Variants in TNR observed in about 807,000 individuals in gnomAD.
The protein encoded by TNR is tenascin-R.
In TNR, 45 loss-of-function variants were observed where a neutral mutation model predicts 150.4. That is an observed-to-expected ratio of 0.30 (90% CI 0.24 to 0.38). The LOEUF is 0.38. Ranked by LOEUF, TNR falls within the 10% of genes least tolerant of loss-of-function variation. The pLI is 1.00. For synonymous variants in TNR, 687 were observed against 678.4 expected (o/e 1.01, Z -0.20); for missense variants, 1,544 against 1,759.1 (o/e 0.88, Z 2.19).
chr1:175,571,667 C>G (rs1661876510), intron 1 of TNR, among the ~76,000 whole-genome samples: 1 of 152,180 alleles, frequency 6.6e-6, no homozygotes, highest in South Asian at 2.1e-4. Context: ...TTTTTCACTC[C>G]ATGTCCTTCT....
At chr1:175,628,107 G>T (rs1163369195) in intron 1 of TNR, among the ~76,000 whole-genome samples, 1 of 152,162 alleles carries the variant, frequency 6.6e-6, no homozygotes, top group Non-Finnish European at 1.5e-5. Context: ...TTCTGGGCAG[G>T]GAACTAAAAA....
chr1:175,580,900 T>C (rs1330516234), intron 1 of TNR, among the ~76,000 whole-genome samples: 1 of 152,068 alleles, frequency 6.6e-6, no homozygotes, highest in Non-Finnish European at 1.5e-5. Context: ...TATATTCTTC[T>C]AGAAAGAACA....
intron 2 of TNR, among the ~76,000 whole-genome samples, chr1:175,458,355 G>T (rs859377): frequency 5.3e-5 from 8 of 152,044 alleles, no homozygotes; most frequent in African/African-American, 2.4e-5. Flanking sequence ...ATATATATTT[G>T]TTCAAAGGGT....
At chr1:175,676,830 A>G (rs1665880594) in intron 1 of TNR, among the ~76,000 whole-genome samples, 1 of 152,212 alleles carries the variant, frequency 6.6e-6, no homozygotes, top group South Asian at 2.1e-4. Flanking sequence ...ACACAGAGCT[A>G]GTTAGAAGTG....
rs1175441564 is a variant in TNR at position 175,599,682 on chromosome 1, G to A, written c.-164-71313C>T. 2.0e-5 allele frequency among the ~76,000 whole-genome samples: 3 copies of A among 152,372 alleles called. No homozygotes were observed. Among genetic ancestry groups the A allele is most frequent in the Admixed American group, 6.5e-5 (1 of 15,310 alleles). On this transcript the variant is annotated intron_variant, in intron 1 of 22. Transcript: ENST00000367674. This position sits in a 1 kb window ranked among gnomAD's most constrained non-coding sequence, Gnocchi z 4.7. ...CCGGCGGCTCCTTGCGGTGGGGAGA[G>A]GAGGACAGAGGGGCCAGGTGGAGCG...
chr1:175,697,109 G>T (rs1444119164), intron 1 of TNR, among the ~76,000 whole-genome samples: 1 of 150,838 alleles, frequency 6.6e-6, no homozygotes, highest in Admixed American at 6.6e-5. Flanking sequence ...GCGTGTATAT[G>T]TATGTACATA....
intron 1 of TNR, among the ~76,000 whole-genome samples, chr1:175,564,626 G>T (rs747029585): frequency 5.3e-5 from 8 of 152,086 alleles, no homozygotes; most frequent in Admixed American, 3.9e-4. Context: ...TGGTTTGAAG[G>T]GGGGAGCTTA....
At position 175,626,904 on chromosome 1, in the gene TNR, G is replaced by A. The variant is rs956985318; in HGVS notation, c.-164-98535C>T. 4.6e-5 allele frequency among the ~76,000 whole-genome samples: 7 copies of A among 152,268 alleles called. No homozygotes were observed. In the South Asian group the frequency reaches 8.3e-4, roughly 18 times the overall value. ...GGCAGAAGAGAAGAAAAACACAGAGGTGAAGGCCATGACAGAAGTTAAGAT... is the reference window on the plus strand; with the variant it reads ...GGCAGAAGAGAAGAAAAACACAGAGATGAAGGCCATGACAGAAGTTAAGAT... On this transcript the variant is annotated intron_variant, in intron 1 of 22. Transcript: ENST00000367674.
chr1:175,676,545 AAGGAC>A (rs1294308958), intron 1 of TNR, among the ~76,000 whole-genome samples: 7 of 152,178 alleles, frequency 4.6e-5, no homozygotes, highest in African/African-American at 1.4e-4. Flanking sequence ...AACTGAAACA[AAGGAC>A]AAGTCTCCCA....
At chr1:175,607,169 T>G (rs962617851) in intron 1 of TNR, among the ~76,000 whole-genome samples, 1 of 152,218 alleles carries the variant, frequency 6.6e-6, no homozygotes, top group African/African-American at 2.4e-5. Flanking sequence ...GTTTATGAAT[T>G]TGTGGCCCAT....
intron 1 of TNR, among the ~76,000 whole-genome samples, chr1:175,548,039 G>C: frequency 6.6e-6 from 1 of 152,214 alleles, no homozygotes; most frequent in East Asian, 1.9e-4. Flanking sequence ...AAGGCAAAGA[G>C]ACCTGGTGGG....
At chr1:175,487,698 T>G (rs1413188132) in intron 2 of TNR, among the ~76,000 whole-genome samples, 1 of 152,146 alleles carries the variant, frequency 6.6e-6, no homozygotes, top group African/African-American at 2.4e-5. Context: ...ATGGGGATAA[T>G]CACAGTACCC....
intron 1 of TNR, among the ~76,000 whole-genome samples, chr1:175,644,382 A>G (rs1022391015): frequency 3.9e-5 from 6 of 152,320 alleles, no homozygotes; most frequent in African/African-American, 1.4e-4. Context: ...ATTATACCGC[A>G]GTCTAACCAG....
chr1:175,650,248 T>C (rs530162193), intron 1 of TNR, among the ~76,000 whole-genome samples: 4 of 152,128 alleles, frequency 2.6e-5, no homozygotes, highest in African/African-American at 9.6e-5. Context: ...CTGAGTGTGG[T>C]GGAGCATGCC....
At chr1:175,553,812 GAACA>G (rs1268589129) in intron 1 of TNR, among the ~76,000 whole-genome samples, 1,820 of 52,600 alleles carry the variant, frequency 0.035, 45 homozygotes, top group African/African-American at 0.11. Context: ...GCATATACAA[GAACA>G]AACACACACA....
chr1:175,706,798 G>A (rs1666853167), intron 1 of TNR, among the ~76,000 whole-genome samples: 1 of 152,038 alleles, frequency 6.6e-6, no homozygotes, highest in Non-Finnish European at 1.5e-5. Context: ...CAAGAGGAGA[G>A]ATAGTCACCA....
intron 2 of TNR, among the ~76,000 whole-genome samples, chr1:175,460,277 G>T (rs143280172): frequency 3.3e-5 from 5 of 152,036 alleles, no homozygotes; most frequent in African/African-American, 7.2e-5. Context: ...TTTCTTGAAG[G>T]TCTTGCTCTC....
chr1:175,434,385 A>G (rs576093185), intron 2 of TNR, among the ~76,000 whole-genome samples: 1 of 152,108 alleles, frequency 6.6e-6, no homozygotes, highest in South Asian at 2.1e-4. Flanking sequence ...TGCTTCCTGT[A>G]TGTCGCCCTC....
At chr1:175,522,624 T>C (rs983921295) in intron 2 of TNR, among the ~76,000 whole-genome samples, 2 of 152,026 alleles carry the variant, frequency 1.3e-5, no homozygotes, top group African/African-American at 4.8e-5. Flanking sequence ...GGCAAAACAA[T>C]GAAGTTGACA....
Sources: allele counts gnomAD v4.1 joint callset (sites outside exome capture counted in the v4.1 genomes callset), GRCh38; gene constraint gnomAD v4.1.1; non-coding constraint Gnocchi (gnomAD v3.1); transcripts MANE v1.5; gene names NCBI Gene and HGNC (gene_info 2026-07-23, HGNC 2026-07-21).